The following ST6GALNAC3 variants were observed in gnomAD, a reference collection of about 807,000 sequenced individuals.
ST6GALNAC3 encodes ST6 N-acetylgalactosaminide alpha-2,6-sialyltransferase 3.
In ST6GALNAC3, 25 loss-of-function variants were observed where a neutral mutation model predicts 32.7. That is an observed-to-expected ratio of 0.76 (90% CI 0.56 to 1.07). The LOEUF (loss-of-function observed/expected upper bound fraction) is 1.07. ST6GALNAC3 is among the 50% of genes least tolerant of loss of function. The pLI is 0.00. For missense variants in ST6GALNAC3, 355 were observed against 382.4 expected (o/e 0.93, Z 0.60); for synonymous variants, 129 against 133.1 (o/e 0.97, Z 0.21).
chr1:76,369,112 G>A (rs1262848658), intron 2 of ST6GALNAC3, among the ~76,000 whole-genome samples: 1 of 152,048 alleles, frequency 6.6e-6, no homozygotes, highest in Non-Finnish European at 1.5e-5. Context: ...AGATTAACAT[G>A]GAATCAGAAT....
intron 1 of ST6GALNAC3, among the ~76,000 whole-genome samples, chr1:76,092,832 TG>T (rs1647067956): frequency 1.3e-5 from 2 of 152,280 alleles, no homozygotes; most frequent in African/African-American, 4.8e-5. Context: ...CCAGACTGCC[TG>T]GCGTCCAGCG....
intron 1 of ST6GALNAC3, among the ~76,000 whole-genome samples, chr1:76,143,539 A>C (rs2100292885): frequency 6.6e-6 from 1 of 152,216 alleles, no homozygotes; most frequent in Admixed American, 6.5e-5. Flanking sequence ...TATATACTGG[A>C]AGAGGACTTA....
chr1:76,447,644 C>CT (rs1657076319), intron 3 of ST6GALNAC3, among the ~76,000 whole-genome samples: 6 of 152,112 alleles, frequency 3.9e-5, no homozygotes, highest in Admixed American at 3.9e-4. Flanking sequence ...CCCGTGTAGC[C>CT]TAGGGACATG....
At chr1:76,472,333 T>G (rs1659084922) in intron 3 of ST6GALNAC3, among the ~76,000 whole-genome samples, 1 of 152,176 alleles carries the variant, frequency 6.6e-6, no homozygotes, top group South Asian at 2.1e-4. Flanking sequence ...AGTTTTCCTC[T>G]TTTGTCGTTT....
intron 3 of ST6GALNAC3, among the ~76,000 whole-genome samples, chr1:76,601,875 T>C (rs1247455620): frequency 6.6e-6 from 1 of 152,136 alleles, no homozygotes; most frequent in Non-Finnish European, 1.5e-5. Flanking sequence ...TCAAAGCAGT[T>C]AAGAGGAAGT....
At chr1:76,621,593 A>T (rs1343278763) in intron 3 of ST6GALNAC3, among the ~76,000 whole-genome samples, 1 of 152,064 alleles carries the variant, frequency 6.6e-6, no homozygotes, top group Non-Finnish European at 1.5e-5. Flanking sequence ...AAAATATATG[A>T]CTTGGGGACA....
chr1:76,340,567 C>T (rs183066591), intron 2 of ST6GALNAC3, among the ~76,000 whole-genome samples: 6 of 152,340 alleles, frequency 3.9e-5, no homozygotes, highest in Admixed American at 2.6e-4. Context: ...GCCTCTGATA[C>T]CCAGCCTTGC....
At chr1:76,255,457 ACTCT>A (rs1022177047) in intron 1 of ST6GALNAC3, among the ~76,000 whole-genome samples, 10 of 151,690 alleles carry the variant, frequency 6.6e-5, no homozygotes, top group Non-Finnish European at 1.0e-4. Context: ...AGTCAATTGA[ACTCT>A]CTCTGTCTGG....
chr1:76,243,737 A>C (rs893168676), intron 1 of ST6GALNAC3, among the ~76,000 whole-genome samples: 8 of 151,942 alleles, frequency 5.3e-5, no homozygotes, highest in African/African-American at 1.9e-4. Context: ...GTTTGTGTCA[A>C]GTTTGTTGAA....
intron 3 of ST6GALNAC3, among the ~76,000 whole-genome samples, chr1:76,585,801 C>A (rs1646954522): frequency 6.6e-6 from 1 of 151,988 alleles, no homozygotes; most frequent in African/African-American, 2.4e-5. Context: ...AATCAAATAC[C>A]CAGTGGATTT....
intron 3 of ST6GALNAC3, among the ~76,000 whole-genome samples, chr1:76,511,061 A>G (rs796951149): frequency 6.6e-6 from 1 of 152,208 alleles, no homozygotes; most frequent in African/African-American, 2.4e-5. Context: ...GGGTTTCTCA[A>G]ACACATCTCT....
intron 1 of ST6GALNAC3, among the ~76,000 whole-genome samples, chr1:76,122,381 A>G (rs1453122281): frequency 2.0e-5 from 3 of 152,224 alleles, no homozygotes; most frequent in African/African-American, 7.2e-5. Flanking sequence ...CTTCCAAAAT[A>G]TCAGTCAGCA....
intron 1 of ST6GALNAC3, among the ~76,000 whole-genome samples, chr1:76,214,926 TC>T (rs1032820684): frequency 1.3e-5 from 2 of 152,178 alleles, no homozygotes; most frequent in Admixed American, 1.3e-4. Context: ...ACCTGTGTAA[TC>T]CCAGGCAGCC....
downstream of ST6GALNAC3, among the ~76,000 whole-genome samples, chr1:76,634,890 G>A (rs1649465439): frequency 4.6e-5 from 2 of 43,338 alleles, 1 homozygote; most frequent in Non-Finnish European, 8.8e-5. Context: ...TAGTAGAGAC[G>A]GGGTTTCACC....
intron 2 of ST6GALNAC3, among the ~76,000 whole-genome samples, chr1:76,397,717 G>GT (rs1352825539): frequency 2.6e-5 from 4 of 152,144 alleles, no homozygotes; most frequent in South Asian, 2.1e-4. Context: ...CTCTTACTCA[G>GT]TTTTTTCCCA....
intron 1 of ST6GALNAC3, among the ~76,000 whole-genome samples, chr1:76,233,902 T>C (rs1033794972): frequency 1.3e-5 from 2 of 152,100 alleles, no homozygotes; most frequent in African/African-American, 4.8e-5. Flanking sequence ...ATACACAGTA[T>C]ATCTGTGATA....
chr1:76,412,471 C>A (rs17098942), intron 3 of ST6GALNAC3, 54 bp downstream of exon 3: 1 of 1,500,586 alleles, frequency 6.7e-7, no homozygotes. Flanking sequence ...TATGCTAAAT[C>A]TTCGCCAATT....
At chr1:76,230,025 A>G (rs1656283098) in intron 1 of ST6GALNAC3, among the ~76,000 whole-genome samples, 1 of 152,238 alleles carries the variant, frequency 6.6e-6, no homozygotes, top group African/African-American at 2.4e-5. Flanking sequence ...TTAGTGGGTC[A>G]CTGAAGGGCT....
chr1:76,470,880 T>C (rs781467113), intron 3 of ST6GALNAC3, among the ~76,000 whole-genome samples: 1 of 152,104 alleles, frequency 6.6e-6, no homozygotes, highest in Admixed American at 6.6e-5. Flanking sequence ...TTGGATGTTG[T>C]AGGCACATGA....
Sources: gnomAD v4.1 joint callset for allele counts (sites outside exome capture counted in the v4.1 genomes callset) on GRCh38, gnomAD v4.1.1 for gene constraint, MANE v1.5 for transcripts, NCBI Gene and HGNC (gene_info 2026-07-23, HGNC 2026-07-21) for gene names.